Variants in TENM1 observed in about 807,000 individuals in gnomAD.
TENM1 encodes teneurin-1.
TENM1 carries 35 observed loss-of-function variants against 174.8 expected under a neutral mutation model. The ratio of observed to expected loss-of-function variants is 0.20; its 90% CI spans 0.15 to 0.27. TENM1 has a LOEUF of 0.27. TENM1 is among the 10% of genes least tolerant of loss of function. The pLI is 1.00. For synonymous variants in TENM1, 781 were observed against 798.7 expected, an observed-to-expected ratio of 0.98 and a Z score of 0.37; for missense variants, 1,633 against 2,130.1, an observed-to-expected ratio of 0.77 and a Z score of 4.59.
the TENM1 span, among the ~76,000 whole-genome samples, chrX:125,130,700 A>G: frequency 9.6e-6 from 1 of 104,614 alleles, no homozygotes; most frequent in Admixed American, 1.0e-4. Context: ...AAGCTGACTT[A>G]AAAGTTGAAT....
chrX:125,138,988 G>A, the TENM1 span, among the ~76,000 whole-genome samples: 1 of 110,416 alleles, frequency 9.1e-6, no homozygotes, highest in Non-Finnish European at 1.9e-5. Context: ...AATGACTTCT[G>A]TGGCTGCTTT....
the TENM1 span, among the ~76,000 whole-genome samples, chrX:125,163,648 G>A: frequency 9.0e-6 from 1 of 111,225 alleles, no homozygotes; most frequent in South Asian, 3.8e-4. Flanking sequence ...CCTAACAATA[G>A]TCATGTTTTC....
chrX:124,498,749 G>C (rs752551159), intron 19 of TENM1, among the ~76,000 whole-genome samples: 3 of 109,814 alleles, frequency 2.7e-5, no homozygotes, highest in African/African-American at 9.9e-5. Flanking sequence ...CCATAGCTCT[G>C]TTATAACATT....
At chrX:125,016,911 A>G in the TENM1 span, among the ~76,000 whole-genome samples, 3 of 111,528 alleles carry the variant, frequency 2.7e-5, no homozygotes, top group Non-Finnish European at 5.6e-5. Context: ...ATAACGCCAC[A>G]CATCTACAAC....
At chrX:125,028,004 A>G in the TENM1 span, among the ~76,000 whole-genome samples, 1 of 111,830 alleles carries the variant, frequency 8.9e-6, no homozygotes, top group African/African-American at 3.2e-5. Flanking sequence ...AATTTCACAT[A>G]CTGCTAGTAG....
chrX:124,470,469 T>C (rs1485217723), intron 22 of TENM1, among the ~76,000 whole-genome samples: 1 of 111,244 alleles, frequency 9.0e-6, no homozygotes, highest in Non-Finnish European at 1.9e-5. Flanking sequence ...GAGAGAGACC[T>C]GGGTGTGTTT....
chrX:124,563,918 C>T (rs1386752388), intron 12 of TENM1, 146 bp from the exon 16 acceptor site: 3 of 384,008 alleles, frequency 7.8e-6, no homozygotes. Flanking sequence ...AAGTTGGGTA[C>T]ATGGGCCTGT....
intron 3 of TENM1, among the ~76,000 whole-genome samples, chrX:124,886,479 T>G (rs1686394536): frequency 9.6e-6 from 1 of 103,763 alleles, no homozygotes. Context: ...GCAATTTATT[T>G]TTCAAATTGT....
At chrX:124,587,284 A>T (rs1398102262) in intron 11 of TENM1, among the ~76,000 whole-genome samples, 2 of 110,422 alleles carry the variant, frequency 1.8e-5, no homozygotes, top group African/African-American at 6.7e-5. Flanking sequence ...CCTGACTTCA[A>T]ACTATACTAC....
At chrX:124,909,468 AG>A (rs1225749379) in intron 1 of TENM1, among the ~76,000 whole-genome samples, 1 of 112,280 alleles carries the variant, frequency 8.9e-6, no homozygotes, top group African/African-American at 3.2e-5. Context: ...AGCAGCCAGG[AG>A]ACAATGGGCA....
chrX:124,885,801 T>A (rs1490725454), intron 3 of TENM1, among the ~76,000 whole-genome samples: 2 of 111,453 alleles, frequency 1.8e-5, no homozygotes, highest in Admixed American at 9.6e-5. Flanking sequence ...GCCAAGATGA[T>A]TCCCCTTTTC....
intron 5 of TENM1, among the ~76,000 whole-genome samples, chrX:124,701,410 A>G (rs1406251203): frequency 9.0e-6 from 1 of 111,605 alleles, no homozygotes; most frequent in African/African-American, 3.3e-5. Context: ...AGATTGCCAG[A>G]GAAGCTGTGT....
chrX:124,593,702 C>T (rs1267968441), intron 11 of TENM1, among the ~76,000 whole-genome samples: 1 of 111,926 alleles, frequency 8.9e-6, no homozygotes, highest in Non-Finnish European at 1.9e-5. Context: ...TGCACCATGA[C>T]CTCAGGGGAG....
chrX:124,688,895 C>T (rs985683233), intron 5 of TENM1: 1 of 111,459 alleles, frequency 9.0e-6, no homozygotes, highest in Non-Finnish European at 1.9e-5. Context: ...TAAATGCTCT[C>T]ATCACCGAAC....
intron 19 of TENM1, among the ~76,000 whole-genome samples, chrX:124,498,638 G>A (rs977759539): frequency 1.8e-5 from 2 of 108,118 alleles, no homozygotes; most frequent in Non-Finnish European, 3.8e-5. Flanking sequence ...GTCTGCTTGG[G>A]GAGGTTCTAT....
chrX:124,708,327 A>T (rs911152081), intron 4 of TENM1, among the ~76,000 whole-genome samples: 5 of 111,670 alleles, frequency 4.5e-5, no homozygotes, highest in African/African-American at 1.3e-4. Flanking sequence ...GAGGTTAAAA[A>T]TTTTTTAAAG....
intron 25 of TENM1, among the ~76,000 whole-genome samples, chrX:124,410,424 G>T (rs1319183438): frequency 8.9e-6 from 1 of 111,908 alleles, no homozygotes; most frequent in Non-Finnish European, 1.9e-5. Flanking sequence ...AACCCTAGAA[G>T]AAAACCTAGG....
At chrX:125,108,251 C>G in the TENM1 span, among the ~76,000 whole-genome samples, 12 of 111,593 alleles carry the variant, frequency 1.1e-4, no homozygotes, top group African/African-American at 3.6e-4. Flanking sequence ...TTCACCTCAC[C>G]ATTGGCAATG....
chrX:124,895,691 A>G (rs2057550575), intron 2 of TENM1, among the ~76,000 whole-genome samples: 2 of 112,432 alleles, frequency 1.8e-5, no homozygotes, highest in Admixed American at 1.9e-4. Flanking sequence ...GAAAATAAAG[A>G]TGAAAATAAA....
Sources: gnomAD v4.1 joint callset for allele counts (sites outside exome capture counted in the v4.1 genomes callset) on GRCh38, gnomAD v4.1.1 for gene constraint, MANE v1.5 for transcripts, NCBI Gene and HGNC (gene_info 2026-07-23, HGNC 2026-07-21) for gene names.